Variants in KCNT2 observed in about 807,000 individuals in gnomAD.
The protein encoded by KCNT2 is potassium sodium-activated channel subfamily T member 2.
Under a neutral mutation model 153.8 loss-of-function variants are expected in KCNT2, and 67 were observed. The observed-to-expected ratio is 0.44, with a 90% CI of 0.36 to 0.53. The LOEUF is 0.53. Ranked by LOEUF, KCNT2 falls within the 20% of genes least tolerant of loss-of-function variation. KCNT2 has a pLI of 0.00. For synonymous variants in KCNT2, 500 were observed against 458.8 expected (o/e 1.09, Z -1.15); for missense variants, 975 against 1,354.8 (o/e 0.72, Z 4.40).
chr1:196,389,609 C>T (rs80257944), intron 13 of KCNT2, among the ~76,000 whole-genome samples: 2 of 151,602 alleles, frequency 1.3e-5, no homozygotes, highest in Non-Finnish European at 3.0e-5. Flanking sequence ...AGACAAAGTT[C>T]TAAGATGTCA....
At chr1:196,597,151 C>A (rs573398480) in intron 1 of KCNT2, among the ~76,000 whole-genome samples, 10 of 152,162 alleles carry the variant, frequency 6.6e-5, no homozygotes, top group Non-Finnish European at 1.2e-4. Context: ...TGTTCTCCAT[C>A]AAAGGACAGC....
chr1:196,344,490 C>A (rs911967155), intron 14 of KCNT2, among the ~76,000 whole-genome samples: 1 of 152,050 alleles, frequency 6.6e-6, no homozygotes, highest in South Asian at 2.1e-4. Flanking sequence ...CTTTGGCAAA[C>A]AAAAATAAAG....
chr1:196,550,860 G>A (rs1337004473), intron 1 of KCNT2, among the ~76,000 whole-genome samples: 2 of 151,810 alleles, frequency 1.3e-5, no homozygotes, highest in Non-Finnish European at 2.9e-5. Context: ...AGCAAATTCA[G>A]ATGGATCCCA....
At chr1:196,457,063 TA>T (rs1045275405) in intron 8 of KCNT2, among the ~76,000 whole-genome samples, 6 of 152,024 alleles carry the variant, frequency 3.9e-5, no homozygotes, top group Admixed American at 1.3e-4. Context: ...AATAATTTTT[TA>T]CACCCAAACT....
At chr1:196,236,290 A>G (rs1036572513) in intron 26 of KCNT2, among the ~76,000 whole-genome samples, 7 of 151,524 alleles carry the variant, frequency 4.6e-5, no homozygotes, top group Non-Finnish European at 1.0e-4. Context: ...GATAACAATA[A>G]AGTATCTAAT....
At chr1:196,600,283 C>T (rs1488366266) in intron 1 of KCNT2, among the ~76,000 whole-genome samples, 1 of 152,160 alleles carries the variant, frequency 6.6e-6, no homozygotes, top group African/African-American at 2.4e-5. Flanking sequence ...ATGAAATATC[C>T]CTGTGTCTTA....
intron 1 of KCNT2, among the ~76,000 whole-genome samples, chr1:196,592,295 A>C (rs750032885): frequency 3.3e-5 from 5 of 151,876 alleles, no homozygotes; most frequent in Non-Finnish European, 7.4e-5. Flanking sequence ...GGGATCTAAA[A>C]ATCAAAACAA....
chr1:196,287,215 G>A (rs1659749833), intron 22 of KCNT2, among the ~76,000 whole-genome samples: 1 of 152,020 alleles, frequency 6.6e-6, no homozygotes, highest in East Asian at 1.9e-4. Flanking sequence ...TGTGAAGAGT[G>A]CTTAACTTGA....
chr1:196,284,248 A>AAAAAAAAAAAAAAATATATATATATATAT, intron 23 of KCNT2, among the ~76,000 whole-genome samples: 1 of 10,048 alleles, frequency 1.0e-4, no homozygotes. Context: ...AAAAAAAAAA[A>AAAAAAAAAAAAAAATATATATATATATAT]ATATATATAT....
At chr1:196,443,412 G>A (rs1675416989) in intron 8 of KCNT2, among the ~76,000 whole-genome samples, 1 of 151,412 alleles carries the variant, frequency 6.6e-6, no homozygotes, top group South Asian at 2.1e-4. Context: ...CCACAGCCTT[G>A]CAGCTAAACA....
chr1:196,339,518 C>CAGAGAGAGAGAGAG (rs1456186234), intron 16 of KCNT2, among the ~76,000 whole-genome samples: 1 of 100,272 alleles, frequency 1.0e-5, no homozygotes, highest in African/African-American at 3.2e-5. Context: ...CACACACACA[C>CAGAGAGAGAGAGAG]ACAGAGAGAG....
At chr1:196,601,143 C>G (rs866405155) in intron 1 of KCNT2, among the ~76,000 whole-genome samples, 1 of 152,202 alleles carries the variant, frequency 6.6e-6, no homozygotes, top group South Asian at 2.1e-4. Context: ...CAGCACTGGC[C>G]TTTTAGGCAA....
At chr1:196,260,466 T>G (rs1656907019) in intron 25 of KCNT2, among the ~76,000 whole-genome samples, 1 of 151,794 alleles carries the variant, frequency 6.6e-6, no homozygotes, top group South Asian at 2.1e-4. Context: ...AATAGCCTAT[T>G]CAGCATTATT....
intron 14 of KCNT2, among the ~76,000 whole-genome samples, chr1:196,354,574 G>T (rs963507442): frequency 4.0e-5 from 6 of 151,616 alleles, no homozygotes; most frequent in African/African-American, 1.4e-4. Context: ...GAAATATTTT[G>T]ACATTTTTGG....
intron 22 of KCNT2, among the ~76,000 whole-genome samples, chr1:196,294,378 C>T (rs865843813): frequency 1.6e-4 from 25 of 152,186 alleles, no homozygotes; most frequent in Non-Finnish European, 2.5e-4. Flanking sequence ...CTGGTTCAAG[C>T]GATTCTCCTG....
chr1:196,447,388 GA>G (rs1572485918), intron 8 of KCNT2, among the ~76,000 whole-genome samples: 1 of 151,556 alleles, frequency 6.6e-6, no homozygotes, highest in Admixed American at 6.6e-5. Context: ...CAAGGAATCA[GA>G]AACATTTAGT....
intron 1 of KCNT2, among the ~76,000 whole-genome samples, chr1:196,566,119 A>C (rs1295774795): frequency 6.6e-6 from 1 of 152,014 alleles, no homozygotes; most frequent in Non-Finnish European, 1.5e-5. Context: ...AAAAAGAAAT[A>C]AGCAGACAGT....
At chr1:196,418,387 A>T (rs985815688) in intron 12 of KCNT2, among the ~76,000 whole-genome samples, 28 of 152,156 alleles carry the variant, frequency 1.8e-4, no homozygotes, top group Admixed American at 1.5e-3. Context: ...CAGGCATGGT[A>T]CCCAGAAGGC....
At position 196,335,231 on chromosome 1, in the gene KCNT2, C is replaced by A. The variant is rs571874805; in HGVS notation, c.1784-1171G>T. ...TCCCATTCTTTGAAACAATTACAGT[C>A]ATGCATTGCTTAAAAAGGGGGATAT... On this transcript the variant is annotated intron_variant, in intron 16 of 27. Transcript: ENST00000294725. Among the ~76,000 whole-genome samples the A allele has an allele frequency of 1.3e-4, 20 of 152,212 alleles. No homozygotes were observed. The South Asian group carries it at 4.1e-3, about 32-fold the overall frequency.
Sources: gnomAD v4.1 joint callset for allele counts (sites outside exome capture counted in the v4.1 genomes callset) on GRCh38, gnomAD v4.1.1 for gene constraint, MANE v1.5 for transcripts, NCBI Gene and HGNC (gene_info 2026-07-23, HGNC 2026-07-21) for gene names.